SNTG2: variants seen among roughly 807,000 people sequenced by gnomAD.
SNTG2 encodes syntrophin gamma 2.
A neutral mutation model predicts 70.9 loss-of-function variants in SNTG2; 74 were observed. That is an observed-to-expected ratio of 1.04 (90% CI 0.86 to 1.27). SNTG2 has a LOEUF of 1.27. Ranked by LOEUF, SNTG2 falls within the 50% of genes most tolerant of loss-of-function variation. The probability of loss-of-function intolerance (pLI) is 0.00; values close to 1 mark genes in which losing one functional copy is unlikely to be tolerated. For synonymous variants in SNTG2, 278 were observed against 273.8 expected, an observed-to-expected ratio of 1.02 and a Z score of -0.15; for missense variants, 717 against 690.7, an observed-to-expected ratio of 1.04 and a Z score of -0.43.
chr2:984,797 C>T (rs761887226), intron 1 of SNTG2, among the ~76,000 whole-genome samples: 66 of 152,292 alleles, frequency 4.3e-4, no homozygotes, highest in African/African-American at 1.3e-3. Context: ...GTCAGCTCCA[C>T]GGGGAGGGAA....
chr2:1,299,767 C>T (rs1048710622), intron 14 of SNTG2, among the ~76,000 whole-genome samples: 5 of 152,212 alleles, frequency 3.3e-5, no homozygotes, highest in Admixed American at 6.5e-5. Flanking sequence ...GAGACCAGCC[C>T]GTCCTCTGTG....
intron 12 of SNTG2, among the ~76,000 whole-genome samples, chr2:1,255,615 C>T (rs894017495): frequency 3.3e-5 from 5 of 151,672 alleles, no homozygotes; most frequent in African/African-American, 4.8e-5. Context: ...TTGGATGGGG[C>T]GCAGGAATCT....
At chr2:1,105,888 C>T (rs964840337) in intron 4 of SNTG2, among the ~76,000 whole-genome samples, 1 of 152,234 alleles carries the variant, frequency 6.6e-6, no homozygotes, top group Non-Finnish European at 1.5e-5. Flanking sequence ...CAGCCTCCCC[C>T]GCGTGTCACA....
chr2:1,348,537 T>C (rs532592464), intron 16 of SNTG2, among the ~76,000 whole-genome samples: 1 of 152,360 alleles, frequency 6.6e-6, no homozygotes, highest in African/African-American at 2.4e-5. Context: ...ACTCAACCAA[T>C]TGTCAACAAG....
intron 1 of SNTG2, among the ~76,000 whole-genome samples, chr2:1,074,584 T>A (rs4246568): frequency 0.57 from 86,241 of 152,028 alleles, 24,817 homozygotes; most frequent in East Asian, 0.68. Flanking sequence ...AAGACTATTT[T>A]GTAATTCGTT....
chr2:1,286,058 A>G (rs1031460764), intron 14 of SNTG2, among the ~76,000 whole-genome samples: 6 of 152,366 alleles, frequency 3.9e-5, no homozygotes, highest in Non-Finnish European at 7.3e-5. Context: ...ACTTAAAGTT[A>G]GGAGAAGCCC....
chr2:1,159,249 A>T (rs1169500263), intron 6 of SNTG2: 1 of 120,142 alleles, frequency 8.3e-6, no homozygotes. Context: ...GTGTGTGTGT[A>T]TGCAGGTGTG....
chr2:1,073,924 T>G (rs976926943), intron 1 of SNTG2, among the ~76,000 whole-genome samples: 1 of 152,238 alleles, frequency 6.6e-6, no homozygotes, highest in Admixed American at 6.5e-5. Flanking sequence ...AAGATATTTT[T>G]CCTGAGAAAA....
chr2:973,571 A>G (rs1394448025), intron 1 of SNTG2, among the ~76,000 whole-genome samples: 1 of 149,726 alleles, frequency 6.7e-6, no homozygotes, highest in Non-Finnish European at 1.5e-5. Context: ...GTTGTTTTTT[A>G]CTAATTTTGG....
intron 1 of SNTG2, among the ~76,000 whole-genome samples, chr2:1,081,870 T>C (rs886892060): frequency 1.3e-5 from 2 of 152,242 alleles, no homozygotes; most frequent in Non-Finnish European, 2.9e-5. Flanking sequence ...GAGGTGTGGA[T>C]TGCAGTGGCC....
intron 9 of SNTG2, among the ~76,000 whole-genome samples, chr2:1,212,509 T>G (rs1043776135): frequency 5.3e-5 from 8 of 152,200 alleles, no homozygotes; most frequent in African/African-American, 1.9e-4. Flanking sequence ...ACTGAAAGGT[T>G]TATAATTTTT....
intron 1 of SNTG2, among the ~76,000 whole-genome samples, chr2:987,322 T>C (rs13411576): frequency 0.42 from 64,430 of 152,014 alleles, 14,093 homozygotes; most frequent in Middle Eastern, 0.54. Flanking sequence ...ATGGTCCCCA[T>C]GGATGTCGGC....
chr2:1,237,901 G>T lies in SNTG2; in HGVS notation c.733G>T (p.Glu245Ter). 1 of 1,603,524 alleles carries T rather than the reference G, an allele frequency of 6.2e-7. No homozygotes were observed. The highest frequency in any genetic ancestry group is 1.7e-4 in the Middle Eastern group (1 of 6,050). ...GTEKLRWNAF[E>*]VLALDGVSSG... is the part of the protein sequence containing the mutation. ...CTCCCTCCCCAGGTGGAATGCGTTC[G>T]AGGTGCTCGCCCTGGACGGAGTCAG... The change falls in exon 10 of 17, where the codon GAG becomes TAG. Residue 245 changes from glutamate to a stop codon, truncating the protein, a stop_gained. Transcript: ENST00000308624. LOFTEE classifies it high-confidence loss of function.
chr2:1,317,386 T>G (rs1486481791), intron 16 of SNTG2, among the ~76,000 whole-genome samples: 2 of 108,624 alleles, frequency 1.8e-5, no homozygotes. Context: ...AGGTTGGGAT[T>G]CTGGAGCATG....
chr2:1,030,241 C>T (rs996367672), intron 1 of SNTG2, among the ~76,000 whole-genome samples: 24 of 152,116 alleles, frequency 1.6e-4, no homozygotes, highest in African/African-American at 4.3e-4. Context: ...GCAGTCATGC[C>T]GCCTTCCACT....
At chr2:1,315,537 A>C (rs1366352219) in intron 15 of SNTG2, among the ~76,000 whole-genome samples, 1 of 152,162 alleles carries the variant, frequency 6.6e-6, no homozygotes, top group Non-Finnish European at 1.5e-5. Flanking sequence ...ATTTATTATA[A>C]TGAAGTATCT....
At chr2:1,031,953 G>A (rs6754720) in intron 1 of SNTG2, among the ~76,000 whole-genome samples, 3,169 of 152,176 alleles carry the variant, frequency 0.021, 117 homozygotes, top group African/African-American at 0.072. Flanking sequence ...TCTAAAATTA[G>A]CAGTGATGGT....
At chr2:1,054,286 C>G (rs563392582) in intron 1 of SNTG2, among the ~76,000 whole-genome samples, 1 of 151,586 alleles carries the variant, frequency 6.6e-6, no homozygotes, top group East Asian at 1.9e-4. Flanking sequence ...CCAAGAGAGG[C>G]GGCCCACACC....
intron 8 of SNTG2, among the ~76,000 whole-genome samples, chr2:1,187,077 T>C (rs1431207942): frequency 7.2e-5 from 11 of 152,208 alleles, no homozygotes; most frequent in Admixed American, 7.2e-4. Flanking sequence ...TCAAGGTGTC[T>C]GAACCATGTG....
Sources: allele counts gnomAD v4.1 joint callset (sites outside exome capture counted in the v4.1 genomes callset), GRCh38; gene constraint gnomAD v4.1.1; transcripts MANE v1.5; gene names NCBI Gene and HGNC (gene_info 2026-07-23, HGNC 2026-07-21).